The following MUC7 variants were observed in gnomAD, a reference collection of about 807,000 sequenced individuals.
The protein encoded by MUC7 is mucin 7, secreted.
In MUC7, 2 loss-of-function variants were observed where a neutral mutation model predicts 2.5. The observed-to-expected ratio is 0.81, with a 90% CI of 0.33 to 2.55. MUC7 has a LOEUF of 2.55. MUC7 is among the 30% of genes most tolerant of loss of function. MUC7 has a pLI of 0.11. For missense variants in MUC7, 408 were observed against 455.6 expected (o/e 0.90, Z 0.95); for synonymous variants, 133 against 173.4 (o/e 0.77, Z 1.83).
chr4:70,449,452 C>A (rs1734225413), intron 1 of MUC7, among the ~76,000 whole-genome samples: 1 of 152,112 alleles, frequency 6.6e-6, no homozygotes, highest in Non-Finnish European at 1.5e-5. Context: ...GGAAAACCAC[C>A]CCCATGATTC....
At chr4:70,460,709 G>T (rs1043171089) in intron 1 of MUC7, among the ~76,000 whole-genome samples, 9 of 152,058 alleles carry the variant, frequency 5.9e-5, no homozygotes, top group African/African-American at 2.2e-4. Context: ...TGAGGACCCT[G>T]CAGTGCCTTT....
intron 1 of MUC7, 147 bp downstream of exon 1, chr4:70,472,438 A>G (rs567611129): frequency 1.4e-4 from 22 of 152,342 alleles, no homozygotes; most frequent in Non-Finnish European, 3.1e-4. Flanking sequence ...CACTCAATTC[A>G]TATGTTATTA....
upstream of MUC7, among the ~76,000 whole-genome samples, chr4:70,468,721 G>C (rs894659864): frequency 6.6e-6 from 1 of 152,150 alleles, no homozygotes; most frequent in African/African-American, 2.4e-5. Context: ...ACCTCTTCAA[G>C]GATAACTACA....
chr4:70,466,767 A>G (rs1703619712), intron 1 of MUC7, among the ~76,000 whole-genome samples: 1 of 152,232 alleles, frequency 6.6e-6, no homozygotes, highest in African/African-American at 2.4e-5. Context: ...GCAAGTTCTT[A>G]GAGACCTACA....
intron 1 of MUC7, chr4:70,430,753 T>C (rs998591030): frequency 6.6e-6 from 1 of 152,136 alleles, no homozygotes; most frequent in Admixed American, 6.6e-5. Flanking sequence ...TTTTTAAGCA[T>C]TGCATTTCTA....
In MUC7 at chr4:70,481,327, C is replaced by A. The variant is rs771661491; in HGVS notation, c.583C>A (p.Pro195Thr). ...PPETTAAPPT[P>T]SATTQAPPSS... ...AGAGACCACAGCTGCCCCACCCACACCTTCTGCAACTACACAAGCTCCACC... is the reference window on the plus strand; with the variant it reads ...AGAGACCACAGCTGCCCCACCCACAACTTCTGCAACTACACAAGCTCCACC... Residue 195 changes from proline (P) to threonine (T), a missense_variant, in exon 3 of 3, where the codon CCT becomes ACT. Physicochemically the swap from Pro to Thr is conservative, Grantham distance 38. Transcript: ENST00000304887. 1.2e-6 allele frequency: 2 copies of A among 1,610,822 alleles called. No individual in the cohort carries two copies. The highest frequency in any genetic ancestry group is 1.3e-5 in the African/African-American group (1 of 74,196).
At chr4:70,466,639 C>A (rs1183945619) in intron 1 of MUC7, among the ~76,000 whole-genome samples, 1 of 151,160 alleles carries the variant, frequency 6.6e-6, no homozygotes, top group Non-Finnish European at 1.5e-5. Context: ...AGACTTTAAA[C>A]CAACAAAGAT....
At chr4:70,454,618 C>T (rs1431472169) in intron 1 of MUC7, among the ~76,000 whole-genome samples, 1 of 152,176 alleles carries the variant, frequency 6.6e-6, no homozygotes, top group African/African-American at 2.4e-5. Flanking sequence ...AAACCAGGTA[C>T]TGTGATTGCT....
intron 1 of MUC7, among the ~76,000 whole-genome samples, chr4:70,441,133 G>A (rs973139923): frequency 6.6e-6 from 1 of 152,080 alleles, no homozygotes; most frequent in Non-Finnish European, 1.5e-5. Context: ...ATAGGTTCTG[G>A]AAATTGAGTA....
upstream of MUC7, among the ~76,000 whole-genome samples, chr4:70,469,454 A>C (rs62322558): frequency 8.8e-3 from 1,337 of 152,334 alleles, 27 homozygotes; most frequent in South Asian, 0.039. Context: ...AGAAACTATC[A>C]TCAGAGTGAA....
At chr4:70,445,791 C>A (rs1178078380) in intron 1 of MUC7, among the ~76,000 whole-genome samples, 2 of 152,156 alleles carry the variant, frequency 1.3e-5, no homozygotes, top group Non-Finnish European at 2.9e-5. Flanking sequence ...TGGATGCAAA[C>A]CTAACTTGCA....
At chr4:70,444,514 A>ACTTGCAGCCACCCGAT (rs1200913702) in intron 1 of MUC7, among the ~76,000 whole-genome samples, 1 of 152,132 alleles carries the variant, frequency 6.6e-6, no homozygotes, top group African/African-American at 2.4e-5. Flanking sequence ...CCACCACTGC[A>ACTTGCAGCCACCCGAT]CTTGCAGCCA....
intron 1 of MUC7, among the ~76,000 whole-genome samples, chr4:70,452,395 T>C (rs1236850343): frequency 6.6e-6 from 1 of 152,184 alleles, no homozygotes; most frequent in African/African-American, 2.4e-5. Flanking sequence ...TTTCATTTCT[T>C]GCTCCTTATT....
At chr4:70,464,735 C>A (rs1159618180) in intron 1 of MUC7, among the ~76,000 whole-genome samples, 1 of 152,146 alleles carries the variant, frequency 6.6e-6, no homozygotes, top group African/African-American at 2.4e-5. Context: ...GAAAGAAAGG[C>A]AAGCAGCCCC....
At chr4:70,460,472 T>G (rs1734528042) in intron 1 of MUC7, among the ~76,000 whole-genome samples, 1 of 150,268 alleles carries the variant, frequency 6.7e-6, no homozygotes, top group African/African-American at 2.4e-5. Context: ...GAAAAATTCT[T>G]TTTTTTTTTT....
At chr4:70,471,233 A>T (rs1334247342), upstream of MUC7, among the ~76,000 whole-genome samples, 1 of 152,186 alleles carries the variant, frequency 6.6e-6, no homozygotes, top group Non-Finnish European at 1.5e-5. Flanking sequence ...CTTTTTAAAA[A>T]TAAATATTTA....
chr4:70,450,479 C>A (rs1478572999), intron 1 of MUC7, among the ~76,000 whole-genome samples: 1 of 152,162 alleles, frequency 6.6e-6, no homozygotes, highest in African/African-American at 2.4e-5. Context: ...AAGATGAAGT[C>A]TCCTTTGCTT....
intron 1 of MUC7, among the ~76,000 whole-genome samples, chr4:70,459,832 A>C (rs1432921538): frequency 6.6e-6 from 1 of 152,210 alleles, no homozygotes; most frequent in African/African-American, 2.4e-5. Context: ...TGAATGCCCC[A>C]CAGTTACCCT....
intron 1 of MUC7, among the ~76,000 whole-genome samples, chr4:70,435,020 A>C (rs543834425): frequency 8.5e-5 from 13 of 152,230 alleles, no homozygotes; most frequent in Non-Finnish European, 1.5e-4. Context: ...TGCGGTTTTG[A>C]GTGAGTTTCT....
Sources: gnomAD v4.1 joint callset for allele counts (sites outside exome capture counted in the v4.1 genomes callset) on GRCh38, gnomAD v4.1.1 for gene constraint, MANE v1.5 for transcripts, NCBI Gene and HGNC (gene_info 2026-07-23, HGNC 2026-07-21) for gene names.